DISC1: variants seen among roughly 807,000 people sequenced by gnomAD.
The protein encoded by DISC1 is DISC1 scaffold protein.
In DISC1, 57 loss-of-function variants were observed where a neutral mutation model predicts 84.5. The observed-to-expected ratio is 0.67, with a 90% confidence interval of 0.55 to 0.84. The LOEUF is 0.84. DISC1 is among the 40% of genes least tolerant of loss of function. The pLI, the probability that DISC1 is intolerant of heterozygous loss-of-function variation, is 0.00. For synonymous variants in DISC1, 411 were observed against 415.2 expected (o/e 0.99, Z 0.12); for missense variants, 1,000 against 1,057.8 (o/e 0.95, Z 0.76).
intron 3 of DISC1, among the ~76,000 whole-genome samples, chr1:231,734,918 T>C (rs2072275173): frequency 1.3e-5 from 2 of 152,222 alleles, no homozygotes; most frequent in Admixed American, 1.3e-4. Context: ...TGAAAAGATC[T>C]ATGAGCTATG....
Position 231,795,387 on chromosome 1 carries a change from C to T in DISC1, c.1689+91C>T, listed in dbSNP as rs2078678622. The T allele has an allele frequency of 3.4e-6, 4 of 1,177,316 alleles. No individual in the cohort carries two copies. In the East Asian group the frequency reaches 7.3e-5, roughly 21 times the overall value. The allele number at this position is 1,177,316 out of a possible 1,614,324, so 72.9% of individuals were successfully genotyped here. A position where few individuals can be genotyped will look rare whatever the true frequency, so the allele number is the denominator to read the frequency against. ...ATCTAGATCTTAGGATACCTGGCTT[C>T]TGCAAAAAAAGATGTAGACTTTGTC... is the stretch of plus-strand genomic sequence containing the variant. On this transcript the variant is annotated intron_variant, in intron 7 of 12. Coordinates refer to ENST00000439617, the MANE Select transcript of DISC1 (RefSeq NM_018662.3).
At chr1:231,884,147 A>T (rs1453205489) in intron 9 of DISC1, among the ~76,000 whole-genome samples, 2 of 152,182 alleles carry the variant, frequency 1.3e-5, no homozygotes, top group African/African-American at 4.8e-5. Flanking sequence ...TGCAGTTCCC[A>T]GGGACTGATG....
intron 9 of DISC1, among the ~76,000 whole-genome samples, chr1:231,835,201 A>AG (rs963506223): frequency 5.9e-5 from 9 of 152,212 alleles, no homozygotes; most frequent in African/African-American, 1.7e-4. Flanking sequence ...TGATCTCCCA[A>AG]GGGGGGTCCC....
At chr1:231,859,710 A>T (rs542338471) in intron 9 of DISC1, among the ~76,000 whole-genome samples, 29 of 152,242 alleles carry the variant, frequency 1.9e-4, no homozygotes, top group African/African-American at 7.0e-4. Context: ...TTTCTATGTA[A>T]CCACTTTTTC....
chr1:231,694,461 G>T lies in DISC1; in HGVS notation c.703G>T (p.Ala235Ser). ...AGAAGGCTGCCCACCATCCAGAGAGGCTGAGTCCCATTGCCAGAGCCCCCA... is the reference window on the plus strand; with the variant it reads ...AGAAGGCTGCCCACCATCCAGAGAGTCTGAGTCCCATTGCCAGAGCCCCCA... ...EAEGCPPSRE[A>S]ESHCQSPQEM... Residue 235 changes from alanine to serine, a missense_variant, in exon 2 of 13, where the codon GCT (alanine) becomes TCT (serine). Coordinates refer to ENST00000439617, the MANE Select transcript of DISC1 (RefSeq NM_018662.3). The T allele has an allele frequency of 6.2e-7, 1 of 1,614,284 alleles. No homozygotes were observed. The highest frequency in any genetic ancestry group is 8.5e-7 in the Non-Finnish European group (1 of 1,180,048).
chr1:231,677,027 T>TA (rs2063220267), intron 1 of DISC1, among the ~76,000 whole-genome samples: 1 of 152,210 alleles, frequency 6.6e-6, no homozygotes, highest in Non-Finnish European at 1.5e-5. Context: ...GAGAGATTGT[T>TA]AAAGTAGTGT....
chr1:231,803,988 G>A (rs61835434), intron 8 of DISC1, among the ~76,000 whole-genome samples: 549 of 136,180 alleles, frequency 4.0e-3, no homozygotes, highest in Admixed American at 8.5e-3. Context: ...ACAGTGTCTT[G>A]TTAGGACTTA....
chr1:231,738,252 C>T (rs2072779722), intron 3 of DISC1, among the ~76,000 whole-genome samples: 1 of 152,228 alleles, frequency 6.6e-6, no homozygotes, highest in Admixed American at 6.5e-5. Context: ...ATACAACACT[C>T]TTCTCCAGTC....
At position 231,800,108 on chromosome 1, in the gene DISC1, G is replaced by T. The variant is rs763256346; in HGVS notation, c.1690G>T (p.Val564Leu). ...TTCCTGGTCATTTCTCTCCCCCTAG[G>T]TGTGTATGAGTGAGAAATTCTGCAG... Reference protein sequence around the residue: ...NLSLKEITTKVCMSEKFCSTL... With the variant: ...NLSLKEITTKLCMSEKFCSTL... The change falls in exon 8 of 13, where the codon GTG becomes TTG. Residue 564 changes from valine (V) to leucine (L), a missense_variant and splice_region_variant. Val to Leu is a conservative substitution (Grantham distance 32). Transcript: ENST00000439617. The T allele has an allele frequency of 3.7e-6, 6 of 1,606,276 alleles. No homozygotes were observed. The highest frequency in any genetic ancestry group is 5.1e-6 in the Non-Finnish European group (6 of 1,175,734).
At position 232,001,313 on chromosome 1, in the gene DISC1, A is replaced by G. The variant is rs1191408661; in HGVS notation, c.2043-7472A>G. 2.0e-5 allele frequency among the ~76,000 whole-genome samples: 3 copies of G among 152,216 alleles called. No homozygotes were observed. The East Asian group carries it at 5.8e-4, about 29-fold the overall frequency. On this transcript the variant is annotated intron_variant, in intron 10 of 12. Coordinates refer to ENST00000439617, the MANE Select transcript of DISC1 (RefSeq NM_018662.3). Reference sequence around the variant, plus strand: ...AGGCTGGTCTCCAACTCCTGACCTCAGGTGATCCACCTGCCTCACCCTCCC... The same window carrying G: ...AGGCTGGTCTCCAACTCCTGACCTCGGGTGATCCACCTGCCTCACCCTCCC...
At chr1:231,945,442 C>T (rs1012112870) in intron 9 of DISC1, among the ~76,000 whole-genome samples, 3 of 152,180 alleles carry the variant, frequency 2.0e-5, no homozygotes, top group Admixed American at 2.0e-4. Flanking sequence ...AAAGCAGAAT[C>T]TCTGGGACAC....
At position 231,800,163 on chromosome 1, in the gene DISC1, A is replaced by G; in HGVS notation, c.1745A>G (p.Glu582Gly). 2 of 1,612,086 alleles carry G rather than the reference A, an allele frequency of 1.2e-6. No individual in the cohort carries two copies. Among genetic ancestry groups the G allele is most frequent in the Non-Finnish European group, 1.7e-6 (2 of 1,179,748 alleles). Reference protein sequence around the residue: ...STLRKKVNDIETQLPALLEAK... With the variant: ...STLRKKVNDIGTQLPALLEAK... ...CTGAGGAAGAAAGTTAACGATATTG[A>G]AACCCAACTACCAGCCTTGCTTGAA... Residue 582 changes from glutamate (E) to glycine (G), a missense_variant, in exon 8 of 13, where the codon GAA becomes GGA. By Grantham distance (98) the Glu-to-Gly change is moderately conservative (BLOSUM62 -2). Around this residue, in one of 3 missense-constraint regions of DISC1, gnomAD observed 397 missense variants for 377.5 expected, o/e 1.05. Coordinates refer to ENST00000439617, the MANE Select transcript of DISC1 (RefSeq NM_018662.3).
chr1:231,870,206 G>A (rs1442477004), intron 9 of DISC1, among the ~76,000 whole-genome samples: 2 of 152,194 alleles, frequency 1.3e-5, no homozygotes, highest in Non-Finnish European at 2.9e-5. Flanking sequence ...TCACTCCCAG[G>A]CAGGACACCA....
intron 2 of DISC1, 108 bp from the exon 3 acceptor site, chr1:231,701,847 T>G: frequency 1.1e-6 from 1 of 919,364 alleles, no homozygotes; most frequent in Non-Finnish European, 1.6e-6. Flanking sequence ...AAAAAGAGAA[T>G]GAAGAAGTTC....
chr1:232,002,418 A>G (rs148714914), intron 10 of DISC1, among the ~76,000 whole-genome samples: 5 of 152,188 alleles, frequency 3.3e-5, no homozygotes, highest in African/African-American at 4.8e-5. Context: ...ACAAACACCT[A>G]TGCACAGATG....
At chr1:231,636,266 CT>C (rs2059192726) in intron 1 of DISC1, among the ~76,000 whole-genome samples, 1 of 152,180 alleles carries the variant, frequency 6.6e-6, no homozygotes, top group African/African-American at 2.4e-5. Context: ...CCCACATTTT[CT>C]CCTCTGTAGG....
At chr1:231,973,439 A>G (rs1170218779) in intron 10 of DISC1, among the ~76,000 whole-genome samples, 7 of 152,268 alleles carry the variant, frequency 4.6e-5, no homozygotes. Context: ...GTTGAGGGAC[A>G]GGGCTTACTG....
rs2081250929 is a variant in DISC1, at chr1:231,818,487, A to G, written c.1951A>G (p.Arg651Gly). ...TAAAGAAGATTACAACAGACTGAGA[A>G]GAGAAGTGGAGCACCAGGAGACTGC... is the stretch of plus-strand genomic sequence containing the variant. ...SVKEDYNRLRREVEHQETAYE... is the reference protein window; with the variant it reads ...SVKEDYNRLRGEVEHQETAYE... Residue 651 changes from arginine (R) to glycine (G), a missense_variant, in exon 9 of 13, where the codon AGA (arginine) becomes GGA (glycine). Physicochemically the swap from Arg to Gly is moderately radical, Grantham distance 125. Transcript: ENST00000439617. 8 of 1,614,194 alleles carry G rather than the reference A, an allele frequency of 5.0e-6. No homozygotes were observed. Among genetic ancestry groups the G allele is most frequent in the Non-Finnish European group, 6.8e-6 (8 of 1,180,006 alleles).
At chr1:231,846,002 G>T (rs1490726538) in intron 9 of DISC1, among the ~76,000 whole-genome samples, 2 of 152,054 alleles carry the variant, frequency 1.3e-5, no homozygotes, top group Non-Finnish European at 2.9e-5. Context: ...AGAGAAGGGG[G>T]ATGTCCCAGA....
Sources: gnomAD v4.1 joint callset for allele counts (sites outside exome capture counted in the v4.1 genomes callset) on GRCh38, gnomAD v4.1.1 for gene constraint, gnomAD v4.1.1 regional missense constraint, MANE v1.5 for transcripts, NCBI Gene and HGNC (gene_info 2026-07-23, HGNC 2026-07-21) for gene names.